ALG9: variants seen among roughly 807,000 people sequenced by gnomAD.
The protein encoded by ALG9 is alpha-1,2-mannosyltransferase ALG9.
Under a neutral mutation model 81.8 loss-of-function variants are expected in ALG9, and 55 were observed. The observed-to-expected ratio is 0.67, with a 90% CI of 0.54 to 0.84. The LOEUF is 0.84. Among genes scored for constraint, ALG9 ranks in the 40% least tolerant of loss-of-function variants. ALG9 has a pLI of 0.00. For missense variants in ALG9, 629 were observed against 745.0 expected, an observed-to-expected ratio of 0.84 and a Z score of 1.81; for synonymous variants, 278 against 274.3, an observed-to-expected ratio of 1.01 and a Z score of -0.13.
rs1555119965 is a variant in ALG9 at position 111,838,400 on chromosome 11, C to T, written c.1174-1G>A. The T allele has an allele frequency of 6.2e-7, 1 of 1,607,856 alleles. No homozygotes were observed. On this transcript the variant is annotated splice_acceptor_variant, in intron 10 of 14. Transcript: ENST00000616540. LOFTEE classifies it high-confidence loss of function. The stretch of plus-strand genomic sequence containing the variant: ...ATTTCTGGAAGTACAGAAAACTGTG[C>T]TGATAAAAGAAAATATAATTTGTAG...
intron 13 of ALG9, among the ~76,000 whole-genome samples, chr11:111,830,990 G>A (rs1026549346): frequency 7.2e-5 from 11 of 152,150 alleles, no homozygotes; most frequent in African/African-American, 2.7e-4. Context: ...GGGCAAGACA[G>A]TGAGGCCCTC....
chr11:111,870,083 A>C (rs894557733), intron 2 of ALG9, 149 bp downstream of exon 2: 7 of 948,304 alleles, frequency 7.4e-6, no homozygotes, highest in Non-Finnish European at 7.2e-6. Flanking sequence ...AAGTGCTGGG[A>C]TTATAGGCCT....
chr11:111,861,572 A>G (rs1452604299), intron 4 of ALG9, among the ~76,000 whole-genome samples: 4 of 152,080 alleles, frequency 2.6e-5, no homozygotes, highest in African/African-American at 7.2e-5. Flanking sequence ...CCAGTGTTCA[A>G]TGGAACCTCC....
chr11:111,856,291 A>AAG (rs1418436493), intron 6 of ALG9, among the ~76,000 whole-genome samples: 4 of 150,980 alleles, frequency 2.6e-5, no homozygotes, highest in African/African-American at 9.7e-5. Context: ...AAAAAAAAAA[A>AAG]AAAAAGAAAA....
the ALG9 span, among the ~76,000 whole-genome samples, chr11:111,775,646 G>A: frequency 2.0e-4 from 31 of 152,198 alleles, 1 homozygote; most frequent in African/African-American, 6.3e-4. Context: ...AGGCTGAGGC[G>A]GGAGGATCAC....
At chr11:111,799,058 T>A (rs782388307) in intron 14 of ALG9, among the ~76,000 whole-genome samples, 9 of 152,258 alleles carry the variant, frequency 5.9e-5, no homozygotes, top group Non-Finnish European at 1.2e-4. Flanking sequence ...ACATGTGGAA[T>A]TCCTAAATTT....
chr11:111,809,162 A>C (rs1010143804), intron 14 of ALG9, among the ~76,000 whole-genome samples: 10 of 152,230 alleles, frequency 6.6e-5, no homozygotes, highest in Admixed American at 6.5e-4. Flanking sequence ...GGGCGAAACC[A>C]GAATATACTT....
chr11:111,865,037 A>G (rs1446481147), intron 4 of ALG9, 144 bp downstream of exon 4: 1 of 535,922 alleles, frequency 1.9e-6, no homozygotes, highest in African/African-American at 2.0e-5. Context: ...TTGGCCTCCC[A>G]AAGTGCTGGG....
rs188257227 is a variant in ALG9, at chr11:111,854,562, C to T, written c.702-826G>A. Among the ~76,000 whole-genome samples, 394 of 152,220 alleles carry T rather than the reference C, an allele frequency of 2.6e-3. 3 individuals are homozygous for T. Among genetic ancestry groups the T allele is most frequent in the African/African-American group, 9.0e-3 (373 of 41,540 alleles). ...CTGGAATTACAGGCATGAGCCACCA[C>T]GCCTGGCCCCATCTTTGAATTTATA... On this transcript the variant is annotated intron_variant, in intron 6 of 14. Transcript: ENST00000616540.
chr11:111,822,199 G>A (rs1952511712), intron 13 of ALG9, among the ~76,000 whole-genome samples: 1 of 149,568 alleles, frequency 6.7e-6, no homozygotes, highest in Non-Finnish European at 1.5e-5. Flanking sequence ...TTGAGCCCAT[G>A]AGTTTGAGTC....
At chr11:111,809,603 T>C (rs368611609) in intron 14 of ALG9, 40 bp downstream of exon 14, 153 of 1,612,152 alleles carry the variant, frequency 9.5e-5, no homozygotes, top group Non-Finnish European at 1.2e-4. Context: ...TTTTTACCCA[T>C]ACTAGTCCTG....
chr11:111,796,216 A>T (rs1948259718), intron 14 of ALG9, among the ~76,000 whole-genome samples: 2 of 152,240 alleles, frequency 1.3e-5, no homozygotes, highest in Admixed American at 1.3e-4. Flanking sequence ...TCCAGTTTTA[A>T]GAATGTGAAA....
chr11:111,867,690 G>A (rs1343672081), intron 3 of ALG9, among the ~76,000 whole-genome samples: 5 of 152,090 alleles, frequency 3.3e-5, no homozygotes, highest in Non-Finnish European at 7.4e-5. Context: ...CCTGATTCTC[G>A]GTATGACAGG....
rs190137837 is a variant in ALG9 at position 111,784,314 on chromosome 11, G to A, written c.*2083C>T. 6.6e-6 allele frequency: 1 copy of A among 152,358 alleles called. No homozygotes were observed. The highest frequency in any genetic ancestry group is 2.4e-5 in the African/African-American group (1 of 41,568). 9.4% of individuals were successfully genotyped at this position (152,358 alleles called of 1,614,324 possible). On this transcript the variant is annotated 3_prime_UTR_variant, in exon 15 of 15. Coordinates refer to ENST00000616540, the MANE Select transcript of ALG9 (RefSeq NM_024740.2). ...ACTCCGTCTCTGATATTCCTGCAGA[G>A]GAGATCTCAAAGAGGAGCTTTTTAA...
chr11:111,805,930 C>G (rs1949862817), intron 14 of ALG9, among the ~76,000 whole-genome samples: 1 of 152,146 alleles, frequency 6.6e-6, no homozygotes, highest in East Asian at 1.9e-4. Context: ...GATCTTGGCT[C>G]ACTGCGACTT....
At chr11:111,867,207 A>G (rs1962779639) in intron 3 of ALG9, among the ~76,000 whole-genome samples, 1 of 152,246 alleles carries the variant, frequency 6.6e-6, no homozygotes, top group African/African-American at 2.4e-5. Flanking sequence ...TGATCATTCT[A>G]AAATGTAAAT....
chr11:111,775,648 G>C, the ALG9 span, among the ~76,000 whole-genome samples: 8 of 152,286 alleles, frequency 5.3e-5, no homozygotes, highest in South Asian at 1.5e-3. Flanking sequence ...GCTGAGGCGG[G>C]AGGATCACTT....
chr11:111,870,393 A>AAAAAAAAAAAAAAAT (rs1963948213), intron 1 of ALG9, 23 bp from the exon 2 acceptor site: 1 of 1,520,492 alleles, frequency 6.6e-7, no homozygotes. Flanking sequence ...AAAAAAAAAA[A>AAAAAAAAAAAAAAAT]AAAAAAAAAA....
chr11:111,864,255 T>C (rs1961478550), intron 4 of ALG9: 1 of 1,089,316 alleles, frequency 9.2e-7, no homozygotes, highest in Non-Finnish European at 1.4e-6. Context: ...ACGTGCACCA[T>C]GTCTGGCTCC....
Sources: allele counts gnomAD v4.1 joint callset (sites outside exome capture counted in the v4.1 genomes callset), GRCh38; gene constraint gnomAD v4.1.1; transcripts MANE v1.5; gene names NCBI Gene and HGNC (gene_info 2026-07-23, HGNC 2026-07-21).